The following NEK10 variants were observed in gnomAD, a reference collection of about 807,000 sequenced individuals.
NEK10 encodes serine/threonine-protein kinase Nek10.
Under a neutral mutation model 159.8 loss-of-function variants are expected in NEK10, and 122 were observed. That is an observed-to-expected ratio of 0.76 (90% confidence interval 0.66 to 0.89). The LOEUF is 0.89. NEK10 is among the 40% of genes least tolerant of loss of function. NEK10 has a pLI of 0.00. For missense variants in NEK10, 1,342 were observed against 1,323.1 expected (o/e 1.01, Z -0.22); for synonymous variants, 466 against 457.1 (o/e 1.02, Z -0.25).
chr3:27,119,084 C>A (rs745319900), intron 33 of NEK10, among the ~76,000 whole-genome samples: 3 of 152,178 alleles, frequency 2.0e-5, no homozygotes, highest in Non-Finnish European at 4.4e-5. Flanking sequence ...TCAGATATGA[C>A]AAGAAGAGTT....
At chr3:27,203,995 T>G (rs36037509) in intron 23 of NEK10, among the ~76,000 whole-genome samples, 35,665 of 151,882 alleles carry the variant, frequency 0.23, 4,527 homozygotes, top group Middle Eastern at 0.38. Context: ...CAACTGCTCA[T>G]GTTAAAAAAA....
intron 22 of NEK10, among the ~76,000 whole-genome samples, chr3:27,276,136 C>T (rs2041754204): frequency 6.6e-6 from 1 of 151,956 alleles, no homozygotes; most frequent in South Asian, 2.1e-4. Context: ...TGTTCATTTG[C>T]TCATTAATTC....
intron 24 of NEK10, 149 bp from the exon 25 acceptor site, chr3:27,201,729 T>C (rs1575216630): frequency 3.3e-6 from 2 of 609,832 alleles, no homozygotes; most frequent in Admixed American, 3.1e-5. Flanking sequence ...AAATAAAACA[T>C]TTGCATCAAT....
intron 23 of NEK10, 55 bp downstream of exon 23, chr3:27,256,241 A>G: frequency 1.3e-6 from 1 of 774,254 alleles, no homozygotes; most frequent in Non-Finnish European, 1.9e-6. Context: ...AATATAAATG[A>G]AAGCCTAAAT....
At chr3:27,186,856 T>C (rs945614470) in intron 26 of NEK10, among the ~76,000 whole-genome samples, 5 of 152,248 alleles carry the variant, frequency 3.3e-5, no homozygotes, top group Middle Eastern at 3.4e-3. Flanking sequence ...GAGTTCCCCA[T>C]GGGCTGTGTG....
chr3:27,198,528 C>T (rs1949755628), intron 25 of NEK10, among the ~76,000 whole-genome samples: 4 of 152,062 alleles, frequency 2.6e-5, no homozygotes, highest in African/African-American at 9.7e-5. Flanking sequence ...CAAAAACAAG[C>T]AATGGGGGAA....
rs541796179 is a variant in NEK10, at chr3:27,131,859, C to A, written c.3081+21G>T. 4.4e-6 allele frequency: 6 copies of A among 1,350,458 alleles called. No homozygotes were observed. In the East Asian group the frequency reaches 1.4e-4, roughly 31 times the overall value. 83.7% of individuals were successfully genotyped at this position (1,350,458 alleles called of 1,614,324 possible). On this transcript the variant is annotated intron_variant, in intron 32 of 35. Transcript: ENST00000691995. ...ATGTGGTTTTGTCAGCAAAAGAATT[C>A]CTATATATAGAATACCATACCTTTT...
intron 22 of NEK10, among the ~76,000 whole-genome samples, chr3:27,258,903 T>C (rs2040139981): frequency 6.6e-6 from 1 of 152,186 alleles, no homozygotes; most frequent in Non-Finnish European, 1.5e-5. Context: ...TTTTTAATGA[T>C]CGTCATTCTA....
Position 27,348,638 on chromosome 3 carries a change from T to A in NEK10, c.133-2422A>T, listed in dbSNP as rs544955247. ...TGGGTCAGGGTGTGACTTAACCTCC[T>A]GACAAGCACTTGCCCAGGCCTTCCT... On this transcript the variant is annotated intron_variant, in intron 3 of 35. Transcript: ENST00000691995. Among the ~76,000 whole-genome samples the A allele has an allele frequency of 3.9e-5, 6 of 152,290 alleles. No individual in the cohort carries two copies. The East Asian group carries it at 1.2e-3, about 29-fold the overall frequency.
chr3:27,115,852 C>A, intron 35 of NEK10, 88 bp downstream of exon 35: 1 of 939,868 alleles, frequency 1.1e-6, no homozygotes, highest in Non-Finnish European at 1.6e-6. Flanking sequence ...AAAAAAAATC[C>A]CTCTGGAATA....
chr3:27,122,587 T>G (rs1036222344), intron 32 of NEK10, among the ~76,000 whole-genome samples: 1 of 152,192 alleles, frequency 6.6e-6, no homozygotes, highest in Non-Finnish European at 1.5e-5. Flanking sequence ...TTTAATGTCT[T>G]GTGATGCTGA....
chr3:27,268,194 C>T (rs1317933422), intron 22 of NEK10, among the ~76,000 whole-genome samples: 1 of 152,162 alleles, frequency 6.6e-6, no homozygotes, highest in Non-Finnish European at 1.5e-5. Context: ...AAGACATTTC[C>T]ATAACATAAA....
chr3:27,195,194 C>T (rs1160330086), intron 25 of NEK10, among the ~76,000 whole-genome samples: 1 of 152,146 alleles, frequency 6.6e-6, no homozygotes, highest in Non-Finnish European at 1.5e-5. Context: ...CTGTCAAGAG[C>T]TGTCTTCTAT....
intron 12 of NEK10, among the ~76,000 whole-genome samples, chr3:27,303,030 C>G (rs1411916789): frequency 1.3e-5 from 2 of 152,124 alleles, no homozygotes; most frequent in Non-Finnish European, 2.9e-5. Flanking sequence ...AAACGTCTAC[C>G]CCTAATGCCA....
At chr3:27,186,217 G>A (rs554980340) in intron 26 of NEK10, among the ~76,000 whole-genome samples, 7 of 152,338 alleles carry the variant, frequency 4.6e-5, no homozygotes, top group African/African-American at 9.6e-5. Context: ...ATTATGTTGC[G>A]AAACACATCC....
chr3:27,356,223 C>T (rs762666827), intron 1 of NEK10, among the ~76,000 whole-genome samples: 4 of 152,144 alleles, frequency 2.6e-5, no homozygotes, highest in Non-Finnish European at 5.9e-5. Flanking sequence ...TATAAATTAC[C>T]TAGTCTGCCA....
In NEK10 at chr3:27,159,946, A is replaced by G. The variant is rs546430886; in HGVS notation, c.2869+2755T>C. Among the ~76,000 whole-genome samples the G allele has an allele frequency of 2.6e-5, 4 of 151,118 alleles. No individual in the cohort carries two copies. The South Asian group carries it at 8.4e-4, about 32-fold the overall frequency. ...ACATACTAGATATATTCCTGGGGAA[A>G]TGCTCTGATTTTGGCAAAATTCTCC... On this transcript the variant is annotated intron_variant, in intron 30 of 35. Transcript: ENST00000691995.
At chr3:27,245,316 C>T (rs913724143) in intron 23 of NEK10, among the ~76,000 whole-genome samples, 2 of 152,154 alleles carry the variant, frequency 1.3e-5, no homozygotes, top group Non-Finnish European at 2.9e-5. Context: ...GTACCATGCA[C>T]CTGCTTCCAT....
rs548519367 is a variant in NEK10 at position 27,271,587 on chromosome 3, T to C, written c.2014+13015A>G. 1.3e-3 allele frequency among the ~76,000 whole-genome samples: 202 copies of C among 152,292 alleles called. 1 individual carries two copies. The highest frequency in any genetic ancestry group is 3.4e-3 in the Middle Eastern group (1 of 294). On this transcript the variant is annotated intron_variant, in intron 22 of 35. Coordinates refer to ENST00000691995, the MANE Select transcript of NEK10 (RefSeq NM_001394966.1). The stretch of plus-strand genomic sequence containing the variant: ...ATGATTTTATTCACTCCAGTTAATT[T>C]AGATAATAGCAGACACTTGGACAGA...
Sources: allele counts gnomAD v4.1 joint callset (sites outside exome capture counted in the v4.1 genomes callset), GRCh38; gene constraint gnomAD v4.1.1; transcripts MANE v1.5; gene names NCBI Gene and HGNC (gene_info 2026-07-23, HGNC 2026-07-21).